The following STK24 variants were observed in gnomAD, a reference collection of about 807,000 sequenced individuals.
STK24 encodes the protein serine/threonine kinase 24.
A neutral mutation model predicts 55.6 loss-of-function variants in STK24; 21 were observed. The observed-to-expected ratio is 0.38, with a 90% CI of 0.27 to 0.54. The LOEUF (loss-of-function observed/expected upper bound fraction) is 0.54, where lower values mean the gene tolerates loss of function less well. STK24 is among the 20% of genes least tolerant of loss of function. The pLI is 0.79. For synonymous variants in STK24, 200 were observed against 215.2 expected (o/e 0.93, Z 0.62); for missense variants, 383 against 538.4 (o/e 0.71, Z 2.86).
intron 2 of STK24, among the ~76,000 whole-genome samples, chr13:98,512,076 C>T (rs1391615539): frequency 6.6e-6 from 1 of 152,006 alleles, no homozygotes; most frequent in East Asian, 1.9e-4. Flanking sequence ...TTAGTAGAGA[C>T]AGGGTTTCCC....
intron 3 of STK24, 78 bp from the exon 4 acceptor site, chr13:98,475,436 C>T (rs1566355800): frequency 1.0e-6 from 1 of 972,402 alleles, no homozygotes; most frequent in Non-Finnish European, 1.6e-6. Context: ...GAAACACTAT[C>T]CATGTTAATG....
chr13:98,459,257 C>T (rs1893599657), intron 9 of STK24, among the ~76,000 whole-genome samples: 1 of 152,216 alleles, frequency 6.6e-6, no homozygotes, highest in African/African-American at 2.4e-5. Flanking sequence ...AACACAGGTG[C>T]CCAGAACCAT....
chr13:98,453,290 T>C, intron 10 of STK24, 81 bp from the exon 11 acceptor site: 2 of 1,414,722 alleles, frequency 1.4e-6, no homozygotes, highest in Non-Finnish European at 1.9e-6. Context: ...ACCAAAATCT[T>C]AGTTTTCATA....
chr13:98,498,076 C>G (rs945110712), intron 2 of STK24, among the ~76,000 whole-genome samples: 1 of 152,226 alleles, frequency 6.6e-6, no homozygotes, highest in Non-Finnish European at 1.5e-5. Context: ...GCTCTCTCAT[C>G]TGATTGGATC....
At chr13:98,536,029 T>C (rs138713238) in intron 1 of STK24, among the ~76,000 whole-genome samples, 2,341 of 152,298 alleles carry the variant, frequency 0.015, 36 homozygotes, top group South Asian at 0.081. Flanking sequence ...CGCATTTCCT[T>C]TACCTGAAAA....
intron 1 of STK24, among the ~76,000 whole-genome samples, chr13:98,568,800 C>T (rs1040178852): frequency 2.6e-5 from 4 of 152,030 alleles, no homozygotes; most frequent in Middle Eastern, 3.2e-3. Flanking sequence ...CCTGGGGGGG[C>T]AGATGTTGCA....
At chr13:98,459,373 G>C (rs1893604473) in intron 9 of STK24, among the ~76,000 whole-genome samples, 1 of 152,236 alleles carries the variant, frequency 6.6e-6, no homozygotes, top group African/African-American at 2.4e-5. Flanking sequence ...TGCAGGTGAG[G>C]CCTCGGGCTC....
rs1893068775 is a variant in STK24 at position 98,449,320 on chromosome 13, A to AAAAC, written c.*3849_*3852dup. On this transcript the variant is annotated 3_prime_UTR_variant, in exon 11 of 11. Coordinates refer to ENST00000539966, the MANE Select transcript of STK24 (RefSeq NM_001032296.4). ...GTAGTATATATCGTGCCTGTCTTCA[A>AAAAC]AAACATTTCCCTTTTTATACTCATT... 1 of 152,218 alleles carries AAAAC rather than the reference A, an allele frequency of 6.6e-6. No homozygotes were observed. Among genetic ancestry groups the AAAAC allele is most frequent in the African/African-American group, 2.4e-5 (1 of 41,450 alleles). 9.4% of individuals were successfully genotyped at this position (152,218 alleles called of 1,614,324 possible). A position where few individuals can be genotyped will look rare whatever the true frequency, so the allele number is the denominator to read the frequency against.
rs1306622781 is a variant in STK24, at chr13:98,460,408, C to G, written c.1086G>C (p.Gln362His). 6.2e-7 allele frequency: 1 copy of G among 1,613,446 alleles called. No individual in the cohort carries two copies. The highest frequency in any genetic ancestry group is 8.5e-7 in the Non-Finnish European group (1 of 1,179,582). ...GAGGAGAAATAATTGTAGATAAACA[C>G]TGAGAGAAAGGCCTCTTCGGGATGT... ...MKDIPKRPFSQCLSTIISPLF... is the reference protein window; with the variant it reads ...MKDIPKRPFSHCLSTIISPLF... Residue 362 changes from glutamine to histidine, a missense_variant, in exon 9 of 11, where the codon CAG becomes CAC. Gln to His is a conservative substitution (Grantham distance 24, BLOSUM62 0). Coordinates refer to ENST00000539966, the MANE Select transcript of STK24 (RefSeq NM_001032296.4).
At chr13:98,526,480 T>C (rs1431903280) in intron 1 of STK24, among the ~76,000 whole-genome samples, 3 of 152,120 alleles carry the variant, frequency 2.0e-5, no homozygotes, top group Non-Finnish European at 4.4e-5. Context: ...AGAAGAGATA[T>C]TGAGTATCTT....
Position 98,522,951 on chromosome 13 carries a change from G to C in STK24, c.43-3478C>G, listed in dbSNP as rs1489074342. Among the ~76,000 whole-genome samples, 66 of 152,216 alleles carry C rather than the reference G, an allele frequency of 4.3e-4. 4 individuals carry two copies. Among genetic ancestry groups the C allele is most frequent in the Admixed American group, 4.3e-3 (66 of 15,286 alleles). On this transcript the variant is annotated intron_variant, in intron 1 of 10. Coordinates refer to ENST00000539966, the MANE Select transcript of STK24 (RefSeq NM_001032296.4). ...GGGTGCTAACAGCCTGCCTTCCTGA[G>C]GTCAGGAGAGCCGGTTAGCACTGTC...
chr13:98,490,663 A>C lies in STK24; in HGVS notation c.274-8342T>G, dbSNP rs1594605819. On this transcript the variant is annotated intron_variant, in intron 2 of 10. Transcript: ENST00000539966. ...CATTCTCCCAGGTGATCATTATTAG[A>C]AAAGAACCAGCCAGCAGTGACAGCT... Among the ~76,000 whole-genome samples, 3 of 152,128 alleles carry C rather than the reference A, an allele frequency of 2.0e-5. No homozygotes were observed. The East Asian group carries it at 5.8e-4, about 29-fold the overall frequency.
chr13:98,463,896 G>C, intron 6 of STK24, 60 bp from the exon 7 acceptor site: 6 of 1,571,212 alleles, frequency 3.8e-6, no homozygotes, highest in Non-Finnish European at 5.2e-6. Flanking sequence ...TACCCCAAAG[G>C]ACAGACTTCT....
chr13:98,460,522 T>A, intron 8 of STK24, 82 bp from the exon 9 acceptor site: 1 of 1,191,090 alleles, frequency 8.4e-7, no homozygotes, highest in Non-Finnish European at 1.2e-6. Flanking sequence ...CCACCTGGAC[T>A]ATGGAAGCGC....
chr13:98,465,661 T>C (rs1411507521), intron 6 of STK24, among the ~76,000 whole-genome samples: 7 of 152,224 alleles, frequency 4.6e-5, no homozygotes, highest in Admixed American at 2.0e-4. Context: ...ATGGTGCTCT[T>C]GTAAAAGTAA....
intron 2 of STK24, among the ~76,000 whole-genome samples, chr13:98,492,066 AGTGCGTGCGCGTGTGT>A (rs1475160751): frequency 1.9e-5 from 2 of 105,440 alleles, no homozygotes; most frequent in Admixed American, 2.2e-4. Flanking sequence ...CCTCCTTTAA[AGTGCGTGCGCGTGTGT>A]GTGTGTGTGT....
intron 2 of STK24, among the ~76,000 whole-genome samples, chr13:98,488,066 C>T (rs1454257075): frequency 6.6e-6 from 1 of 151,884 alleles, no homozygotes; most frequent in African/African-American, 2.4e-5. Flanking sequence ...CCCAACACTG[C>T]AGAATGTGAC....
intron 1 of STK24, among the ~76,000 whole-genome samples, chr13:98,536,507 GA>G (rs1400887241): frequency 6.6e-6 from 1 of 152,010 alleles, no homozygotes; most frequent in East Asian, 1.9e-4. Context: ...TGAGACTACA[GA>G]TGTGTGCCAC....
In STK24 at chr13:98,518,400, C is replaced by T. The variant is rs116720158; in HGVS notation, c.273+843G>A. On this transcript the variant is annotated intron_variant, in intron 2 of 10. Transcript: ENST00000539966. ...CCAAATTATCCAGGTTTATCGCTGC[C>T]TCCCCTGGAAAATCATCATTTCTTT... 8.4e-3 allele frequency among the ~76,000 whole-genome samples: 1,285 copies of T among 152,334 alleles called. 24 individuals are homozygous for T. The highest frequency in any genetic ancestry group is 0.029 in the African/African-American group (1,186 of 41,568).
Sources: gnomAD v4.1 joint callset for allele counts (sites outside exome capture counted in the v4.1 genomes callset) on GRCh38, gnomAD v4.1.1 for gene constraint, MANE v1.5 for transcripts, NCBI Gene and HGNC (gene_info 2026-07-23, HGNC 2026-07-21) for gene names.